The following TENM4 variants were observed in gnomAD, a reference collection of about 807,000 sequenced individuals.
TENM4 encodes the protein teneurin-4.
Under a neutral mutation model 243.3 loss-of-function variants are expected in TENM4, and 82 were observed. That is an observed-to-expected ratio of 0.34 (90% CI 0.28 to 0.40). The LOEUF (loss-of-function observed/expected upper bound fraction) is 0.40. TENM4 is among the 10% of genes least tolerant of loss of function. The probability of loss-of-function intolerance (pLI) is 1.00; values close to 1 mark genes in which losing one functional copy is unlikely to be tolerated. For missense variants in TENM4, 3,138 were observed against 3,673.3 expected, an observed-to-expected ratio of 0.85 and a Z score of 3.77; for synonymous variants, 1,412 against 1,456.3, an observed-to-expected ratio of 0.97 and a Z score of 0.69.
intron 7 of TENM4, among the ~76,000 whole-genome samples, chr11:78,902,510 G>A (rs117452834): frequency 6.6e-6 from 1 of 152,188 alleles, no homozygotes; most frequent in Non-Finnish European, 1.5e-5. Flanking sequence ...GCACTGGACA[G>A]GGAGTCAGGC....
chr11:79,091,456 G>A (rs112710948), intron 4 of TENM4, among the ~76,000 whole-genome samples: 76 of 152,178 alleles, frequency 5.0e-4, no homozygotes, highest in African/African-American at 1.3e-3. Context: ...TCTACCCTGC[G>A]GAGGAAGCTT....
intron 12 of TENM4, among the ~76,000 whole-genome samples, chr11:78,852,921 A>G (rs1303508890): frequency 8.8e-6 from 1 of 114,166 alleles, no homozygotes; most frequent in Non-Finnish European, 1.8e-5. Context: ...GGATACTTTT[A>G]ATATTTTTTT....
intron 19 of TENM4, among the ~76,000 whole-genome samples, chr11:78,755,199 C>G (rs186500141): frequency 2.7e-4 from 41 of 152,228 alleles, no homozygotes; most frequent in African/African-American, 4.8e-4. Flanking sequence ...GGGTCTTGCT[C>G]TGTCACCCAG....
chr11:78,740,594 G>C (rs117154666), intron 19 of TENM4, among the ~76,000 whole-genome samples: 1 of 152,244 alleles, frequency 6.6e-6, no homozygotes, highest in Admixed American at 6.5e-5. Flanking sequence ...GGTGCTGAGA[G>C]ATGTTTTCTT....
At chr11:78,912,477 G>T (rs999104505) in intron 6 of TENM4, among the ~76,000 whole-genome samples, 1 of 152,154 alleles carries the variant, frequency 6.6e-6, no homozygotes, top group Non-Finnish European at 1.5e-5. Context: ...GGCTGGTCTC[G>T]AACTCCTGAC....
intron 29 of TENM4, 49 bp downstream of exon 29, chr11:78,688,005 G>C (rs759751949): frequency 6.3e-7 from 1 of 1,592,436 alleles, no homozygotes. Flanking sequence ...CTCCAAAGGG[G>C]TCTTCCCACC....
intron 3 of TENM4, among the ~76,000 whole-genome samples, chr11:79,180,340 A>T (rs1052706883): frequency 1.8e-4 from 27 of 151,808 alleles, no homozygotes; most frequent in Non-Finnish European, 3.2e-4. Flanking sequence ...GGAATTAGAC[A>T]TGGGTTTCCT....
intron 6 of TENM4, among the ~76,000 whole-genome samples, chr11:79,052,947 TA>T (rs1329567588): frequency 6.6e-6 from 1 of 152,236 alleles, no homozygotes; most frequent in Non-Finnish European, 1.5e-5. Context: ...GCAAGCATGG[TA>T]ACACATCACC....
At chr11:78,905,647 C>T (rs949972489) in intron 6 of TENM4, among the ~76,000 whole-genome samples, 2 of 152,206 alleles carry the variant, frequency 1.3e-5, no homozygotes, top group Non-Finnish European at 2.9e-5. Flanking sequence ...AAAACCTCAA[C>T]TCCCACAAGG....
At chr11:79,180,409 G>C (rs1433405420) in intron 3 of TENM4, among the ~76,000 whole-genome samples, 1 of 151,654 alleles carries the variant, frequency 6.6e-6, no homozygotes. Context: ...AAGCATCATA[G>C]TGCAGTGTTC....
chr11:79,040,945 C>G (rs1016385521), intron 6 of TENM4, among the ~76,000 whole-genome samples: 1 of 152,172 alleles, frequency 6.6e-6, no homozygotes, highest in African/African-American at 2.4e-5. Context: ...CTGCTTGTGC[C>G]CAATGCAGGT....
chr11:79,040,007 C>T (rs531005049), intron 6 of TENM4, among the ~76,000 whole-genome samples: 12 of 148,014 alleles, frequency 8.1e-5, no homozygotes, highest in South Asian at 2.2e-4. Context: ...ACTATATTCT[C>T]GGCTAAATAA....
intron 10 of TENM4, among the ~76,000 whole-genome samples, chr11:78,861,548 G>A (rs184229940): frequency 1.4e-4 from 21 of 152,298 alleles, no homozygotes; most frequent in Admixed American, 5.2e-4. Context: ...GCAAATGAGA[G>A]GACTGGCTTT....
chr11:78,798,180 T>C (rs1230142295), intron 15 of TENM4, among the ~76,000 whole-genome samples: 1 of 152,258 alleles, frequency 6.6e-6, no homozygotes, highest in Non-Finnish European at 1.5e-5. Context: ...TTTTGCCTCG[T>C]AAATAAAATT....
intron 30 of TENM4, among the ~76,000 whole-genome samples, chr11:78,673,447 C>T (rs769136679): frequency 3.3e-5 from 5 of 151,984 alleles, no homozygotes; most frequent in African/African-American, 7.3e-5. Flanking sequence ...AATTAGGTCA[C>T]GTGATGCAAA....
chr11:79,372,545 C>T (rs1296835823), intron 1 of TENM4, among the ~76,000 whole-genome samples: 1 of 152,172 alleles, frequency 6.6e-6, no homozygotes. Flanking sequence ...TGATCCTTTG[C>T]TCAGAGCCAA....
chr11:78,804,160 G>A (rs1857341355), intron 15 of TENM4, among the ~76,000 whole-genome samples: 1 of 152,216 alleles, frequency 6.6e-6, no homozygotes, highest in Non-Finnish European at 1.5e-5. Context: ...ATGATTTTGA[G>A]TAAAAAAGCA....
intron 4 of TENM4, among the ~76,000 whole-genome samples, chr11:79,126,534 A>G (rs1231779645): frequency 6.6e-6 from 1 of 152,228 alleles, no homozygotes; most frequent in Non-Finnish European, 1.5e-5. Context: ...GGAAATCAGA[A>G]TAGTCTGATT....
intron 1 of TENM4, among the ~76,000 whole-genome samples, chr11:79,414,975 A>G (rs1858781800): frequency 6.6e-6 from 1 of 152,174 alleles, no homozygotes; most frequent in African/African-American, 2.4e-5. Flanking sequence ...GGCTTAGGGG[A>G]GAGGCCTCGT....
Sources: gnomAD v4.1 joint callset for allele counts (sites outside exome capture counted in the v4.1 genomes callset) on GRCh38, gnomAD v4.1.1 for gene constraint, MANE v1.5 for transcripts, NCBI Gene and HGNC (gene_info 2026-07-23, HGNC 2026-07-21) for gene names.